ANKS3: variants seen among roughly 807,000 people sequenced by gnomAD.
The protein encoded by ANKS3 is ankyrin repeat and sterile alpha motif domain containing 3, also known as ankyrin repeat and SAM domain-containing protein 3.
ANKS3 carries 62 observed loss-of-function variants against 80.7 expected under a neutral mutation model. The ratio of observed to expected loss-of-function variants is 0.77; its 90% CI spans 0.63 to 0.95. ANKS3 has a LOEUF of 0.95. Among genes scored for constraint, ANKS3 ranks in the 40% least tolerant of loss-of-function variants. ANKS3 has a pLI of 0.00. For synonymous variants in ANKS3, 489 were observed against 355.3 expected (o/e 1.38, Z -4.23); for missense variants, 1,150 against 883.6 (o/e 1.30, Z -3.82).
At chr16:4,727,479 G>A in intron 3 of ANKS3, 1 of 463,956 alleles carries the variant, frequency 2.2e-6, no homozygotes, top group Non-Finnish European at 4.0e-6. Flanking sequence ...GGGAATATGT[G>A]GCAATGTGTG....
chr16:4,732,480 C>T (rs2081675860), intron 1 of ANKS3, among the ~76,000 whole-genome samples: 1 of 151,978 alleles, frequency 6.6e-6, no homozygotes. Context: ...GCCAGGAGTT[C>T]GAGACCACCC....
chr16:4,707,233 C>CA (rs2080241614), intron 7 of ANKS3, among the ~76,000 whole-genome samples: 1 of 151,018 alleles, frequency 6.6e-6, no homozygotes, highest in Admixed American at 6.6e-5. Flanking sequence ...ATCCTGCTAT[C>CA]AACGTGGAAT....
chr16:4,697,129 C>G (rs2079601583), intron 16 of ANKS3, 25 bp from the exon 17 acceptor site: 1 of 1,610,096 alleles, frequency 6.2e-7, no homozygotes, highest in African/African-American at 1.3e-5. Context: ...CCTTGAGCCT[C>G]TCCCGGCCAG....
At chr16:4,723,889 C>T (rs62037159) in intron 6 of ANKS3, among the ~76,000 whole-genome samples, 1 of 151,164 alleles carries the variant, frequency 6.6e-6, no homozygotes, top group Non-Finnish European at 1.5e-5. Context: ...CCCAACTCTA[C>T]CAAAAAAAAA....
At chr16:4,730,746 G>C (rs1011674736) in intron 2 of ANKS3, among the ~76,000 whole-genome samples, 4 of 152,156 alleles carry the variant, frequency 2.6e-5, no homozygotes, top group Non-Finnish European at 1.5e-5. Context: ...CAGCTACTCG[G>C]GAGGCTGAGG....
intron 11 of ANKS3, 145 bp from the exon 12 acceptor site, chr16:4,699,321 T>A (rs2079771549): frequency 1.7e-6 from 2 of 1,162,186 alleles, no homozygotes; most frequent in South Asian, 1.5e-5. Context: ...CCCCTCCTAC[T>A]CTGGTGGCTC....
At chr16:4,698,638 G>C (rs1168539944) in intron 13 of ANKS3, 39 bp from the exon 14 acceptor site, 2 of 1,533,630 alleles carry the variant, frequency 1.3e-6, no homozygotes, top group Admixed American at 3.8e-5. Flanking sequence ...CTGGGAGGTG[G>C]CCGGTCAAGC....
In ANKS3 at chr16:4,698,086, T is replaced by A. The variant is rs750605716; in HGVS notation, c.1725-24A>T. On this transcript the variant is annotated intron_variant, in intron 14 of 17. Transcript: ENST00000304283. ...CTCTGCCAGACACAGAAACAAATATTGGTGAGAGCAGAGGCCTGGCCGCTG... is the reference window on the plus strand; with the variant it reads ...CTCTGCCAGACACAGAAACAAATATAGGTGAGAGCAGAGGCCTGGCCGCTG... 6 of 1,587,110 alleles carry A rather than the reference T, an allele frequency of 3.8e-6. No individual in the cohort carries two copies. In the African/African-American group the frequency reaches 8.1e-5, roughly 21 times the overall value.
At chr16:4,712,481 C>T (rs925641391) in intron 7 of ANKS3, among the ~76,000 whole-genome samples, 12 of 152,012 alleles carry the variant, frequency 7.9e-5, no homozygotes, top group African/African-American at 2.9e-4. Context: ...TTCAAAAACA[C>T]ATTAAAATAG....
At chr16:4,701,201 C>T (rs2079881137) in intron 10 of ANKS3, 67 bp from the exon 11 acceptor site, 2 of 1,598,280 alleles carry the variant, frequency 1.3e-6, no homozygotes, top group South Asian at 1.1e-5. Context: ...GAAACCCCCA[C>T]CCGCCACACA....
chr16:4,719,287 G>A (rs114472745), intron 6 of ANKS3, among the ~76,000 whole-genome samples: 312 of 152,252 alleles, frequency 2.0e-3, no homozygotes, highest in African/African-American at 7.2e-3. Context: ...AACTATGATC[G>A]CGCCACTGTG....
chr16:4,713,924 G>A (rs2142087624), intron 7 of ANKS3, 127 bp downstream of exon 7: 1 of 1,321,630 alleles, frequency 7.6e-7, no homozygotes, highest in African/African-American at 1.5e-5. Context: ...AAGCAGCTGG[G>A]GGAGGCAGAG....
Position 4,733,942 on chromosome 16 carries a change from G to A in ANKS3, c.-75C>T, listed in dbSNP as rs1338310552. 40 of 985,386 alleles carry A rather than the reference G, an allele frequency of 4.1e-5. No homozygotes were observed. Among genetic ancestry groups the A allele is most frequent in the Non-Finnish European group, 4.7e-5 (39 of 830,010 alleles). 61.0% of individuals were successfully genotyped at this position (985,386 alleles called of 1,614,324 possible). ...GCCGACAAACCCGTAACTCACAGCA[G>A]TGACGCTTCCCGACGCCCCCCGGCC... On this transcript the variant is annotated 5_prime_UTR_variant, in exon 1 of 18. Coordinates refer to ENST00000304283, the MANE Select transcript of ANKS3 (RefSeq NM_133450.4).
intron 3 of ANKS3, chr16:4,728,108 C>G (rs1043776541): frequency 2.0e-5 from 3 of 152,144 alleles, no homozygotes; most frequent in Admixed American, 2.0e-4. Flanking sequence ...TGCAGTGGCG[C>G]GATCTCGGCT....
intron 5 of ANKS3, among the ~76,000 whole-genome samples, chr16:4,725,320 C>T (rs1028338024): frequency 6.6e-6 from 1 of 152,204 alleles, no homozygotes; most frequent in African/African-American, 2.4e-5. Context: ...TCGGCACTGT[C>T]TTCAGAGGGC....
intron 6 of ANKS3, among the ~76,000 whole-genome samples, chr16:4,719,490 G>C (rs1485359689): frequency 6.6e-6 from 1 of 152,036 alleles, no homozygotes; most frequent in African/African-American, 2.4e-5. Context: ...TCTAGTTCAT[G>C]TCAGCAGGAT....
At chr16:4,696,968 C>T (rs913519987) in intron 17 of ANKS3, 49 bp downstream of exon 17, 37 of 1,578,986 alleles carry the variant, frequency 2.3e-5, no homozygotes, top group Non-Finnish European at 3.1e-5. Flanking sequence ...GCCGCCCAGA[C>T]AGGCCCTGCT....
chr16:4,718,525 A>C (rs575977116), intron 6 of ANKS3, among the ~76,000 whole-genome samples: 1 of 152,334 alleles, frequency 6.6e-6, no homozygotes, highest in East Asian at 1.9e-4. Context: ...AAAGAGCACA[A>C]GATGCCCAGA....
In ANKS3 at chr16:4,699,086, G is replaced by C; in HGVS notation, c.1375C>G (p.Leu459Val). The change falls in exon 12 of 18, where the codon CTC becomes GTC. Residue 459 changes from leucine (L) to valine (V), a missense_variant. By Grantham distance (32) the Leu-to-Val change is conservative (BLOSUM62 1). Coordinates refer to ENST00000304283, the MANE Select transcript of ANKS3 (RefSeq NM_133450.4). ...ATTTCCTTCAGGTCGCTCTCAGTGA[G>C]GGTCAGAAAGATGCGGAGGTCCACG... is the stretch of plus-strand genomic sequence containing the variant. ...QDVDLRIFLT[L>V]TESDLKEIGI... 10 of 1,614,160 alleles carry C rather than the reference G, an allele frequency of 6.2e-6. No individual in the cohort carries two copies. Among genetic ancestry groups the C allele is most frequent in the Non-Finnish European group, 8.5e-6 (10 of 1,180,046 alleles).
Sources: allele counts gnomAD v4.1 joint callset (sites outside exome capture counted in the v4.1 genomes callset), GRCh38; gene constraint gnomAD v4.1.1; transcripts MANE v1.5; gene names NCBI Gene and HGNC (gene_info 2026-07-23, HGNC 2026-07-21).